Variants in MACROH2A1 observed in about 807,000 individuals in gnomAD.
MACROH2A1 encodes core histone macro-H2A.1.
In MACROH2A1, 2 loss-of-function variants were observed where a neutral mutation model predicts 31.6. The observed-to-expected ratio is 0.06, with a 90% CI of 0.03 to 0.20. The LOEUF is 0.20. MACROH2A1 is among the 10% of genes least tolerant of loss of function. The probability of loss-of-function intolerance (pLI) is 1.00; values close to 1 mark genes in which losing one functional copy is unlikely to be tolerated. For synonymous variants in MACROH2A1, 169 were observed against 189.6 expected (o/e 0.89, Z 0.89); for missense variants, 230 against 474.0 (o/e 0.49, Z 4.78).
At chr5:135,358,508 T>C in intron 5 of MACROH2A1, 1 of 985,038 alleles carries the variant, frequency 1.0e-6, no homozygotes, top group Non-Finnish European at 1.2e-6. Context: ...AAAAAGGGGG[T>C]GATATGGGAA....
chr5:135,358,637 C>T, intron 5 of MACROH2A1: 3 of 977,922 alleles, frequency 3.1e-6, no homozygotes, highest in Non-Finnish European at 3.6e-6. Flanking sequence ...AAGATAAGCA[C>T]ATTAATTTCA....
intron 7 of MACROH2A1, 74 bp from the exon 8 acceptor site, chr5:135,343,508 C>A: frequency 6.3e-7 from 1 of 1,584,324 alleles, no homozygotes. Flanking sequence ...AACACAGACC[C>A]ACTCCCCTGC....
At chr5:135,336,487 G>T (rs1758690111) in intron 8 of MACROH2A1, among the ~76,000 whole-genome samples, 1 of 152,000 alleles carries the variant, frequency 6.6e-6, no homozygotes, top group African/African-American at 2.4e-5. Context: ...GCAACCCAGG[G>T]TTCCTTCACA....
At position 135,334,956 on chromosome 5, in the gene MACROH2A1, T is replaced by G. The variant is rs752033905; in HGVS notation, c.*20A>C. ...CTGAAGGTGGGGTACATGGTGCAGC[T>G]GGTTCTGTCATTGCTCAGCCTAGTT... On this transcript the variant is annotated 3_prime_UTR_variant, in exon 9 of 9. Coordinates refer to ENST00000511689, the MANE Select transcript of MACROH2A1 (RefSeq NM_138610.3). The G allele has an allele frequency of 1.2e-5, 19 of 1,606,678 alleles. No homozygotes were observed. The highest frequency in any genetic ancestry group is 5.0e-5 in the Admixed American group (3 of 59,902).
intron 7 of MACROH2A1, chr5:135,344,928 C>T (rs1760578390): frequency 6.6e-6 from 1 of 152,198 alleles, no homozygotes; most frequent in Non-Finnish European, 1.5e-5. Context: ...AAGCTGGAAC[C>T]CCGATGGGAA....
At chr5:135,386,863 T>C (rs1766482533) in intron 2 of MACROH2A1, among the ~76,000 whole-genome samples, 1 of 152,210 alleles carries the variant, frequency 6.6e-6, no homozygotes, top group Non-Finnish European at 1.5e-5. Flanking sequence ...AGGTTGTACT[T>C]GACCTAATGA....
chr5:135,347,190 G>A (rs1029089743), intron 6 of MACROH2A1: 7 of 152,350 alleles, frequency 4.6e-5, no homozygotes, highest in African/African-American at 9.6e-5. Flanking sequence ...ACCCTGCGAT[G>A]ACCAGGGTTA....
intron 2 of MACROH2A1, among the ~76,000 whole-genome samples, chr5:135,378,117 A>C (rs1405584511): frequency 6.6e-6 from 1 of 152,198 alleles, no homozygotes; most frequent in Non-Finnish European, 1.5e-5. Context: ...GACATTGGCC[A>C]AAAAGCTTCC....
chr5:135,351,543 A>ATTTTTTTTTTTTTTTTTTTTTTTTT (rs57605717), intron 6 of MACROH2A1: 1 of 48,498 alleles, frequency 2.1e-5, no homozygotes, highest in Non-Finnish European at 4.0e-5. Flanking sequence ...TTATGGTTTA[A>ATTTTTTTTTTTTTTTTTTTTTTTTT]TTTTTTTTTT....
At chr5:135,377,092 C>T (rs895705032) in intron 2 of MACROH2A1, among the ~76,000 whole-genome samples, 7 of 152,218 alleles carry the variant, frequency 4.6e-5, no homozygotes, top group South Asian at 2.1e-4. Flanking sequence ...GCACCCAGGG[C>T]GCCCCCACAG....
chr5:135,350,969 G>T, intron 6 of MACROH2A1: 1 of 1,173,100 alleles, frequency 8.5e-7, no homozygotes, highest in Non-Finnish European at 1.3e-6. Context: ...CCACGCACAG[G>T]CACATTTACT....
At chr5:135,384,684 A>C (rs542730653) in intron 2 of MACROH2A1, among the ~76,000 whole-genome samples, 1 of 152,352 alleles carries the variant, frequency 6.6e-6, no homozygotes, top group East Asian at 1.9e-4. Context: ...TTCCTCTCTC[A>C]TACTTTAACC....
At chr5:135,360,829 A>T in intron 4 of MACROH2A1, 2 of 678,270 alleles carry the variant, frequency 2.9e-6, no homozygotes, top group Non-Finnish European at 5.4e-6. Context: ...ATCGTAAAAA[A>T]AAACCAGCCA....
intron 8 of MACROH2A1, among the ~76,000 whole-genome samples, chr5:135,337,724 G>T (rs1759013480): frequency 1.3e-5 from 2 of 152,310 alleles, no homozygotes; most frequent in South Asian, 4.1e-4. Context: ...AGATGTTGAG[G>T]ATCTGCAAGT....
At chr5:135,357,667 TCTGAAAAAAGG>T (rs1460478977) in intron 5 of MACROH2A1, 1 of 922,386 alleles carries the variant, frequency 1.1e-6, no homozygotes, top group Non-Finnish European at 1.3e-6. Context: ...TTTTAAAACC[TCTGAAAAAAGG>T]CTGCAAATCT....
intron 4 of MACROH2A1, among the ~76,000 whole-genome samples, chr5:135,364,961 G>T (rs1046032473): frequency 6.6e-6 from 1 of 152,082 alleles, no homozygotes; most frequent in East Asian, 1.9e-4. Flanking sequence ...GATCTAGGAG[G>T]GTAGTTTTCA....
At chr5:135,386,859 T>C (rs994093481) in intron 2 of MACROH2A1, among the ~76,000 whole-genome samples, 5 of 152,260 alleles carry the variant, frequency 3.3e-5, no homozygotes, top group Admixed American at 6.5e-5. Flanking sequence ...ACTGAGGTTG[T>C]ACTTGACCTA....
intron 2 of MACROH2A1, among the ~76,000 whole-genome samples, chr5:135,377,816 C>T (rs1200335449): frequency 6.6e-6 from 1 of 152,204 alleles, no homozygotes; most frequent in Non-Finnish European, 1.5e-5. Context: ...AGCCCCCTTA[C>T]CCTCAGACAC....
chr5:135,343,597 G>GT, intron 7 of MACROH2A1, 163 bp from the exon 8 acceptor site: 1 of 1,105,586 alleles, frequency 9.0e-7, no homozygotes, highest in Non-Finnish European at 1.3e-6. Flanking sequence ...TGATTCCAAC[G>GT]TGAGCTGGAG....
Sources: gnomAD v4.1 joint callset for allele counts (sites outside exome capture counted in the v4.1 genomes callset) on GRCh38, gnomAD v4.1.1 for gene constraint, MANE v1.5 for transcripts, NCBI Gene and HGNC (gene_info 2026-07-23, HGNC 2026-07-21) for gene names.